COL14A1: variants seen among roughly 807,000 people sequenced by gnomAD.
COL14A1 encodes collagen alpha-1(XIV) chain.
A neutral mutation model predicts 230.3 loss-of-function variants in COL14A1; 136 were observed. The observed-to-expected ratio is 0.59, with a 90% CI of 0.51 to 0.68. The LOEUF (loss-of-function observed/expected upper bound fraction) is 0.68, where lower values mean the gene tolerates loss of function less well. Among genes scored for constraint, COL14A1 ranks in the 30% least tolerant of loss-of-function variants. The probability of loss-of-function intolerance (pLI) is 0.00; values close to 1 mark genes in which losing one functional copy is unlikely to be tolerated. For synonymous variants in COL14A1, 792 were observed against 784.1 expected (o/e 1.01, Z -0.17); for missense variants, 1,976 against 2,215.8 (o/e 0.89, Z 2.17).
At chr8:120,367,336 C>T (rs1044269788) in intron 46 of COL14A1, 88 bp downstream of exon 46, 2 of 1,028,106 alleles carry the variant, frequency 1.9e-6, no homozygotes, top group Non-Finnish European at 2.9e-6. Flanking sequence ...CATCTTACAT[C>T]CTAGTATGTA....
At chr8:120,288,982 T>G (rs1820289914) in intron 33 of COL14A1, among the ~76,000 whole-genome samples, 1 of 152,176 alleles carries the variant, frequency 6.6e-6, no homozygotes, top group African/African-American at 2.4e-5. Flanking sequence ...AGACAGATTT[T>G]ACGAGTCCTT....
rs1013140346 is a variant in COL14A1 at position 120,279,776 on chromosome 8, A to G, written c.3482-159A>G. 2.6e-5 allele frequency among the ~76,000 whole-genome samples: 4 copies of G among 152,204 alleles called. No homozygotes were observed. In the South Asian group the frequency reaches 6.2e-4, roughly 24 times the overall value. On this transcript the variant is annotated intron_variant, in intron 28 of 47. Transcript: ENST00000297848. Reference sequence around the variant, plus strand: ...GAATCATTATCACATAATGAAATATATACATGCAGAACTCTGATGAACTGT... The same window carrying G: ...GAATCATTATCACATAATGAAATATGTACATGCAGAACTCTGATGAACTGT...
intron 37 of COL14A1, among the ~76,000 whole-genome samples, chr8:120,310,764 C>T (rs527721821): frequency 6.6e-6 from 1 of 152,224 alleles, no homozygotes; most frequent in South Asian, 2.1e-4. Flanking sequence ...CATCTGCCCC[C>T]AGATTAATTT....
chr8:120,307,594 G>A (rs1456823863), intron 36 of COL14A1, among the ~76,000 whole-genome samples: 1 of 151,980 alleles, frequency 6.6e-6, no homozygotes, highest in Non-Finnish European at 1.5e-5. Context: ...TAACCCAATG[G>A]AAAACTGAGT....
Position 120,250,653 on chromosome 8 carries a change from A to G in COL14A1, c.2639A>G (p.Asp880Gly). The G allele has an allele frequency of 6.2e-7, 1 of 1,614,248 alleles. No homozygotes were observed. The highest frequency in any genetic ancestry group is 8.5e-7 in the Non-Finnish European group (1 of 1,180,046). The change falls in exon 22 of 48, where the codon GAC becomes GGC. Residue 880 changes from aspartate (D) to glycine (G), a missense_variant. Asp to Gly is a moderately conservative substitution (Grantham distance 94). Around this residue, in one of 3 missense-constraint regions of COL14A1, gnomAD observed 1,791 missense variants for 2,019.5 expected, o/e 0.89. Transcript: ENST00000297848. ...GPTLETFVGA[D>G]INTILITNLL... ...ACACTGGAAACGTTTGTGGGAGCTG[A>G]CATTAACACCATCCTTATCACAAAC...
At chr8:120,153,271 G>A (rs951111650) in intron 2 of COL14A1, among the ~76,000 whole-genome samples, 4 of 152,116 alleles carry the variant, frequency 2.6e-5, no homozygotes, top group Non-Finnish European at 2.9e-5. Context: ...TGGCCTCCAC[G>A]TCCTGGGCTC....
At chr8:120,359,185 C>A (rs1304077727) in intron 45 of COL14A1, among the ~76,000 whole-genome samples, 1 of 152,064 alleles carries the variant, frequency 6.6e-6, no homozygotes, top group Non-Finnish European at 1.5e-5. Context: ...GTTTTAATCC[C>A]CGCATGCATT....
At chr8:120,268,499 G>T (rs1819563822) in intron 25 of COL14A1, among the ~76,000 whole-genome samples, 1 of 151,510 alleles carries the variant, frequency 6.6e-6, no homozygotes, top group Non-Finnish European at 1.5e-5. Context: ...GATCTGGAAG[G>T]GTCTGTGGGG....
rs371051709 is a variant in COL14A1, at chr8:120,307,821, T to G, written c.4402-2188T>G. 4.6e-5 allele frequency among the ~76,000 whole-genome samples: 7 copies of G among 152,352 alleles called. No homozygotes were observed. The East Asian group carries it at 9.6e-4, about 21-fold the overall frequency. ...CCCTCTTAAACTATTGGCAGATCAA[T>G]AAACTGGCACAGTTAGTTTAGAGTA... On this transcript the variant is annotated intron_variant, in intron 36 of 47. Coordinates refer to ENST00000297848, the MANE Select transcript of COL14A1 (RefSeq NM_021110.4).
In COL14A1 at chr8:120,371,726, G is replaced by A. The variant is rs1007118024; in HGVS notation, c.*495G>A. The A allele has an allele frequency of 1.8e-5, 7 of 397,622 alleles. No homozygotes were observed. Among genetic ancestry groups the A allele is most frequent in the Non-Finnish European group, 2.7e-5 (6 of 225,278 alleles). The allele number at this position is 397,622 out of a possible 1,614,324, so 24.6% of individuals were successfully genotyped here. A position where few individuals can be genotyped will look rare whatever the true frequency, so the allele number is the denominator to read the frequency against. On this transcript the variant is annotated 3_prime_UTR_variant, in exon 48 of 48. Coordinates refer to ENST00000297848, the MANE Select transcript of COL14A1 (RefSeq NM_021110.4). ...TGGAGAAACTACCTCTTGTTTAATTGATCTGTCCAACTCTGAGATCACTTG... is the reference window on the plus strand; with the variant it reads ...TGGAGAAACTACCTCTTGTTTAATTAATCTGTCCAACTCTGAGATCACTTG...
intron 9 of COL14A1, among the ~76,000 whole-genome samples, chr8:120,204,658 A>G (rs937854357): frequency 5.3e-5 from 8 of 152,196 alleles, no homozygotes; most frequent in Non-Finnish European, 7.3e-5. Flanking sequence ...TTGTGCAAAC[A>G]TAAGTTTTCA....
chr8:120,159,393 G>GATCC (rs1815584166), intron 3 of COL14A1, among the ~76,000 whole-genome samples: 2 of 151,990 alleles, frequency 1.3e-5, no homozygotes, highest in Admixed American at 1.3e-4. Context: ...GTTCTCCAAG[G>GATCC]ATCCATTTTC....
intron 19 of COL14A1, among the ~76,000 whole-genome samples, chr8:120,232,907 C>T (rs777823570): frequency 6.6e-6 from 1 of 152,212 alleles, no homozygotes; most frequent in Non-Finnish European, 1.5e-5. Context: ...TCCTATTTCT[C>T]CACATCCTCT....
intron 24 of COL14A1, 96 bp downstream of exon 24, chr8:120,263,110 A>G (rs1323896712): frequency 3.8e-6 from 5 of 1,331,494 alleles, no homozygotes; most frequent in East Asian, 5.2e-5. Context: ...AATATTAGCT[A>G]TTGCTGTTCA....
intron 47 of COL14A1, among the ~76,000 whole-genome samples, chr8:120,370,040 T>A (rs1343276667): frequency 6.6e-6 from 1 of 152,186 alleles, no homozygotes; most frequent in Admixed American, 6.5e-5. Flanking sequence ...TGTCCTTGTC[T>A]TATCACTAGC....
chr8:120,278,653 T>C (rs1467882263), intron 28 of COL14A1, 75 bp downstream of exon 28: 6 of 1,393,430 alleles, frequency 4.3e-6, no homozygotes, highest in Non-Finnish European at 5.9e-6. Context: ...ATTTATAGGC[T>C]ATATCAGCAT....
intron 35 of COL14A1, among the ~76,000 whole-genome samples, chr8:120,300,045 T>C (rs896448221): frequency 4.6e-5 from 7 of 152,160 alleles, no homozygotes; most frequent in African/African-American, 1.7e-4. Context: ...TGTTAGCAGG[T>C]GCTCTGTCTT....
intron 40 of COL14A1, among the ~76,000 whole-genome samples, chr8:120,318,244 A>C (rs1421732037): frequency 6.6e-6 from 1 of 152,180 alleles, no homozygotes; most frequent in Non-Finnish European, 1.5e-5. Flanking sequence ...AGAGTTGTTC[A>C]TTACTGCCTA....
intron 2 of COL14A1, among the ~76,000 whole-genome samples, chr8:120,151,650 A>AG (rs1262649453): frequency 1.3e-5 from 2 of 151,626 alleles, no homozygotes; most frequent in African/African-American, 4.8e-5. Flanking sequence ...AAAAAAAAAA[A>AG]AAAAAAAAAA....
Sources: gnomAD v4.1 joint callset for allele counts (sites outside exome capture counted in the v4.1 genomes callset) on GRCh38, gnomAD v4.1.1 for gene constraint, gnomAD v4.1.1 regional missense constraint, MANE v1.5 for transcripts, NCBI Gene and HGNC (gene_info 2026-07-23, HGNC 2026-07-21) for gene names.